The following NPPB variants were observed in gnomAD, a reference collection of about 807,000 sequenced individuals.
NPPB encodes natriuretic peptide B.
A neutral mutation model predicts 12.7 loss-of-function variants in NPPB; 13 were observed. That is an observed-to-expected ratio of 1.03 (90% CI 0.67 to 1.63). The LOEUF (loss-of-function observed/expected upper bound fraction) is 1.63, where lower values mean the gene tolerates loss of function less well. NPPB is among the 40% of genes most tolerant of loss of function. The probability of loss-of-function intolerance (pLI) is 0.00; values close to 1 mark genes in which losing one functional copy is unlikely to be tolerated. For missense variants in NPPB, 184 were observed against 172.9 expected, an observed-to-expected ratio of 1.06 and a Z score of -0.36; for synonymous variants, 66 against 74.7, an observed-to-expected ratio of 0.88 and a Z score of 0.60.
Position 11,858,317 on chromosome 1 carries a change from G to A in NPPB, c.285C>T (p.Leu95=). The change falls in exon 2 of 3, where the codon CTC becomes CTT. Residue 95 remains leucine, a synonymous_variant. Coordinates refer to ENST00000376468, the MANE Select transcript of NPPB (RefSeq NM_002521.3). ...GGCTTCGTGGTGCCCGCAGGGTGTAGAGGACCATTTTGCGGTGCCCACGGA... is the reference window on the plus strand; with the variant it reads ...GGCTTCGTGGTGCCCGCAGGGTGTAAAGGACCATTTTGCGGTGCCCACGGA... ...EGIRGHRKMV[L]YTLRAPRSPK... The A allele has an allele frequency of 6.2e-7, 1 of 1,614,018 alleles. No homozygotes were observed. The highest frequency in any genetic ancestry group is 1.1e-5 in the South Asian group (1 of 91,056).
Position 11,858,489 on chromosome 1 carries a change from C to T in NPPB, c.133-20G>A. 6.5e-7 allele frequency: 1 copy of T among 1,532,658 alleles called. No individual in the cohort carries two copies. The highest frequency in any genetic ancestry group is 8.8e-7 in the Non-Finnish European group (1 of 1,141,388). 94.9% of individuals were successfully genotyped at this position (1,532,658 alleles called of 1,614,324 possible). On this transcript the variant is annotated intron_variant, in intron 1 of 2. Transcript: ENST00000376468. ...CTGCTCCTGCAATGAATGGGGGCGT[C>T]CAAGCCTCAGGGACCCACCCCTGGG...
In NPPB at chr1:11,858,393, C is replaced by T; in HGVS notation, c.209G>A (p.Ser70Asn). 6.3e-7 allele frequency: 1 copy of T among 1,595,894 alleles called. No individual in the cohort carries two copies. Among genetic ancestry groups the T allele is most frequent in the Non-Finnish European group, 8.5e-7 (1 of 1,169,778 alleles). The change falls in exon 2 of 3, where the codon AGC (serine) becomes AAC (asparagine). Residue 70 changes from serine to asparagine, a missense_variant. Transcript: ENST00000376468. ...EQTSLEPLQE[S>N]PRPTGVWKSR... Reference sequence around the variant, plus strand: ...CTTCCAGACACCTGTGGGACGGGGGCTCTCCTGGAGGGGCTCCAGGGATGT... The same window carrying T: ...CTTCCAGACACCTGTGGGACGGGGGTTCTCCTGGAGGGGCTCCAGGGATGT...
At position 11,858,481 on chromosome 1, in the gene NPPB, G is replaced by T; in HGVS notation, c.133-12C>A. ...TGGTTGCGCTGCTCCTGCAATGAATGGGGGCGTCCAAGCCTCAGGGACCCA... is the reference window on the plus strand; with the variant it reads ...TGGTTGCGCTGCTCCTGCAATGAATTGGGGCGTCCAAGCCTCAGGGACCCA... On this transcript the variant is annotated splice_polypyrimidine_tract_variant and intron_variant, in intron 1 of 2. Coordinates refer to ENST00000376468, the MANE Select transcript of NPPB (RefSeq NM_002521.3). 3.3e-6 allele frequency: 5 copies of T among 1,533,286 alleles called. No individual in the cohort carries two copies. The highest frequency in any genetic ancestry group is 3.5e-6 in the Non-Finnish European group (4 of 1,141,458). The allele number at this position is 1,533,286 out of a possible 1,614,324, so 95.0% of individuals were successfully genotyped here.
intron 2 of NPPB, among the ~76,000 whole-genome samples, chr1:11,857,978 G>C (rs1645131080): frequency 6.6e-6 from 1 of 152,170 alleles, no homozygotes; most frequent in South Asian, 2.1e-4. Flanking sequence ...CTGCCCCTTT[G>C]ATAAGAAGTA....
intron 2 of NPPB, 58 bp downstream of exon 2, chr1:11,858,156 C>CT (rs1645131919): frequency 4.1e-6 from 6 of 1,478,088 alleles, no homozygotes; most frequent in South Asian, 1.3e-5. Flanking sequence ...CAAAGTGACT[C>CT]TAACAGTGTC....
At chr1:11,858,539 A>C (rs1209919265) in intron 1 of NPPB, 70 bp from the exon 2 acceptor site, 10 of 1,549,062 alleles carry the variant, frequency 6.5e-6, no homozygotes, top group Non-Finnish European at 7.8e-6. Context: ...ATGGCACCCA[A>C]GTGAACCGAC....
chr1:11,857,742 C>T (rs1645130210), intron 2 of NPPB, 71 bp from the exon 3 acceptor site: 5 of 1,499,568 alleles, frequency 3.3e-6, no homozygotes, highest in South Asian at 2.3e-5. Flanking sequence ...CTTACCTCAT[C>T]GTGTGCCACC....
chr1:11,858,189 G>A (rs536980723), intron 2 of NPPB, 25 bp downstream of exon 2: 20 of 1,571,038 alleles, frequency 1.3e-5, no homozygotes, highest in South Asian at 1.0e-4. Flanking sequence ...GGGGGAAGGC[G>A]GCCGGGGTGG....
intron 2 of NPPB, among the ~76,000 whole-genome samples, chr1:11,857,940 AATG>A (rs1197560798): frequency 4.6e-5 from 7 of 152,220 alleles, no homozygotes; most frequent in African/African-American, 1.7e-4. Context: ...GGGGCTGCCA[AATG>A]ATAAACAGAC....
chr1:11,858,655 C>A (rs574844256), intron 1 of NPPB, 47 bp downstream of exon 1: 1 of 1,613,640 alleles, frequency 6.2e-7, no homozygotes, highest in Admixed American at 1.7e-5. Context: ...GGTGAGGACC[C>A]TTTCATTGCT....
intron 1 of NPPB, 111 bp downstream of exon 1, chr1:11,858,589 TTC>T: frequency 6.3e-7 from 1 of 1,589,870 alleles, no homozygotes. Context: ...TCTCTCCATT[TTC>T]TGATTCCTTT....
rs1479010754 is a variant in NPPB at position 11,858,898 on chromosome 1, GT to G, written c.-66del. The G allele has an allele frequency of 3.1e-6, 5 of 1,599,612 alleles. No individual in the cohort carries two copies. Among genetic ancestry groups the G allele is most frequent in the Non-Finnish European group, 3.4e-6 (4 of 1,175,318 alleles). On this transcript the variant is annotated 5_prime_UTR_variant, in exon 1 of 3. Coordinates refer to ENST00000376468, the MANE Select transcript of NPPB (RefSeq NM_002521.3). ...GCTGCTGCTGCTGCTGCTGCGATGC[GT>G]CCGGGTTTGCTTCCCACCTGCCCTC...
In NPPB at chr1:11,858,690, C is replaced by T. The variant is rs761041289; in HGVS notation, c.132+12G>A. Reference sequence around the variant, plus strand: ...TGCTGTCCAATCCCCCTGAGCTGCCCTCCGCTCTCACCTGTAACCCGGACG... The same window carrying T: ...TGCTGTCCAATCCCCCTGAGCTGCCTTCCGCTCTCACCTGTAACCCGGACG... On this transcript the variant is annotated intron_variant, in intron 1 of 2. Coordinates refer to ENST00000376468, the MANE Select transcript of NPPB (RefSeq NM_002521.3). The T allele has an allele frequency of 1.2e-6, 2 of 1,614,162 alleles. No homozygotes were observed. The highest frequency in any genetic ancestry group is 1.7e-6 in the Non-Finnish European group (2 of 1,180,026).
At chr1:11,858,623 A>G in intron 1 of NPPB, 79 bp downstream of exon 1, 4 of 1,607,080 alleles carry the variant, frequency 2.5e-6, no homozygotes, top group Non-Finnish European at 3.4e-6. Context: ...CAAAGGAAAG[A>G]TGAGGGCCTC....
rs910929953 is a variant in NPPB, at chr1:11,857,586, G to T, written c.*69C>A. On this transcript the variant is annotated 3_prime_UTR_variant, in exon 3 of 3. Transcript: ENST00000376468. Reference sequence around the variant, plus strand: ...ATTAAAAAAATGAGTCACTTCAAAGGCGGCCACAGGGTTGAGGAAAAAGCC... The same window carrying T: ...ATTAAAAAAATGAGTCACTTCAAAGTCGGCCACAGGGTTGAGGAAAAAGCC... 46 of 1,490,114 alleles carry T rather than the reference G, an allele frequency of 3.1e-5. No individual in the cohort carries two copies. Among genetic ancestry groups the T allele is most frequent in the Non-Finnish European group, 4.3e-5 (46 of 1,068,170 alleles). The allele number at this position is 1,490,114 out of a possible 1,614,324, so 92.3% of individuals were successfully genotyped here. A position where few individuals can be genotyped will look rare whatever the true frequency, so the allele number is the denominator to read the frequency against.
At position 11,858,693 on chromosome 1, in the gene NPPB, C is replaced by A. The variant is rs767024987; in HGVS notation, c.132+9G>T. On this transcript the variant is annotated intron_variant, in intron 1 of 2. Transcript: ENST00000376468. ...TGTCCAATCCCCCTGAGCTGCCCTC[C>A]GCTCTCACCTGTAACCCGGACGTTT... 4.3e-6 allele frequency: 7 copies of A among 1,614,148 alleles called. No individual in the cohort carries two copies. The South Asian group carries it at 7.7e-5, about 18-fold the overall frequency.
chr1:11,858,156 C>CTT (rs1645131919), intron 2 of NPPB, 58 bp downstream of exon 2: 3 of 1,477,970 alleles, frequency 2.0e-6, no homozygotes, highest in African/African-American at 1.4e-5. Flanking sequence ...CAAAGTGACT[C>CTT]TAACAGTGTC....
chr1:11,858,135 A>G (rs1204864471), intron 2 of NPPB, 79 bp downstream of exon 2: 1 of 1,362,856 alleles, frequency 7.3e-7, no homozygotes, highest in Non-Finnish European at 1.0e-6. Context: ...GTTCCCAGAG[A>G]CAACAAACCC....
Position 11,858,467 on chromosome 1 carries a change from C to T in NPPB, c.135G>A (p.Glu45=), listed in dbSNP as rs1645134524. ...GTTTGCCCTGCAAATGGTTGCGCTG[C>T]TCCTGCAATGAATGGGGGCGTCCAA... The part of the protein sequence containing the change: ...ASDLETSGLQ[E]QRNHLQGKLS... The change falls in exon 2 of 3, where the codon GAG becomes GAA. Residue 45 remains glutamate, a splice_region_variant and synonymous_variant. Coordinates refer to ENST00000376468, the MANE Select transcript of NPPB (RefSeq NM_002521.3). 6.5e-7 allele frequency: 1 copy of T among 1,536,336 alleles called. No individual in the cohort carries two copies. The highest frequency in any genetic ancestry group is 8.8e-7 in the Non-Finnish European group (1 of 1,142,336).
Sources: gnomAD v4.1 joint callset for allele counts (sites outside exome capture counted in the v4.1 genomes callset) on GRCh38, gnomAD v4.1.1 for gene constraint, MANE v1.5 for transcripts, NCBI Gene and HGNC (gene_info 2026-07-23, HGNC 2026-07-21) for gene names.